Variants in SYT16 observed in about 807,000 individuals in gnomAD.
SYT16 encodes synaptotagmin 16, also known as synaptotagmin-16.
In SYT16, 42 loss-of-function variants were observed where a neutral mutation model predicts 61.4. The observed-to-expected ratio is 0.68, with a 90% confidence interval of 0.53 to 0.89. The LOEUF (loss-of-function observed/expected upper bound fraction) is 0.89. Among genes scored for constraint, SYT16 ranks in the 40% least tolerant of loss-of-function variants. The pLI is 0.00. For synonymous variants in SYT16, 314 were observed against 302.3 expected, an observed-to-expected ratio of 1.04 and a Z score of -0.40; for missense variants, 804 against 807.3, an observed-to-expected ratio of 1.00 and a Z score of 0.05.
chr14:62,084,488 T>A, intron 7 of SYT16, 103 bp downstream of exon 7: 1 of 1,293,128 alleles, frequency 7.7e-7, no homozygotes, highest in Non-Finnish European at 1.0e-6. Flanking sequence ...AAAAATGATC[T>A]TATTATGGCT....
In SYT16 at chr14:62,081,044, G is replaced by A; in HGVS notation, c.1204G>A (p.Gly402Ser). 1 of 1,613,508 alleles carries A rather than the reference G, an allele frequency of 6.2e-7. No individual in the cohort carries two copies. The highest frequency in any genetic ancestry group is 8.5e-7 in the Non-Finnish European group (1 of 1,179,694). Residue 402 changes from glycine to serine, a missense_variant, in exon 6 of 8, where the codon GGC (glycine) becomes AGC (serine). Gly to Ser is a moderately conservative substitution (Grantham distance 56). Coordinates refer to ENST00000683842, the MANE Select transcript of SYT16 (RefSeq NM_001367656.1). ...GCTGCTGCCTGGTAAGAAACACAGG[G>A]GCAGGACGAACATACAGAGAGGGCC... ...VVLLPGKKHRGRTNIQRGPNP... is the reference protein window; with the variant it reads ...VVLLPGKKHRSRTNIQRGPNP...
intron 1 of SYT16, among the ~76,000 whole-genome samples, chr14:61,815,088 A>T (rs2045387470): frequency 6.6e-6 from 1 of 152,248 alleles, no homozygotes; most frequent in Admixed American, 6.5e-5. Context: ...AGAGTTACTC[A>T]GAGGACTTAT....
At chr14:61,823,574 C>CAAAAAAAAAAAAAAAAAAA (rs55935256) in intron 1 of SYT16, among the ~76,000 whole-genome samples, 1 of 71,046 alleles carries the variant, frequency 1.4e-5, no homozygotes, top group Non-Finnish European at 2.6e-5. Flanking sequence ...ACTAAAAATA[C>CAAAAAAAAAAAAAAAAAAA]AAAAAAAAAA....
chr14:61,889,222 G>A (rs2048029381), intron 1 of SYT16, among the ~76,000 whole-genome samples: 1 of 152,136 alleles, frequency 6.6e-6, no homozygotes, highest in Non-Finnish European at 1.5e-5. Context: ...GTCAGTGGAT[G>A]GAAAATTATT....
At chr14:62,020,970 TA>T (rs1347290948) in intron 3 of SYT16, among the ~76,000 whole-genome samples, 5 of 152,180 alleles carry the variant, frequency 3.3e-5, no homozygotes, top group African/African-American at 1.2e-4. Flanking sequence ...TTCTGATTTT[TA>T]AAAAACCTGT....
chr14:61,835,141 A>C (rs1356513526), intron 1 of SYT16, among the ~76,000 whole-genome samples: 2 of 152,196 alleles, frequency 1.3e-5, no homozygotes, highest in Non-Finnish European at 2.9e-5. Flanking sequence ...ACAGCAAAAA[A>C]CAGTTAATAG....
At position 61,901,765 on chromosome 14, in the gene SYT16, T is replaced by TA. The variant is rs1566665021; in HGVS notation, c.-324-68366dup. On this transcript the variant is annotated intron_variant, in intron 1 of 7. Coordinates refer to ENST00000683842, the MANE Select transcript of SYT16 (RefSeq NM_001367656.1). Reference sequence around the variant, plus strand: ...TTATAATAATAATAATAATAATAATTATTATTATTATTATTTTTTGGAGTC... The same window carrying TA: ...TTATAATAATAATAATAATAATAATTAATTATTATTATTATTTTTTGGAGTC... Among the ~76,000 whole-genome samples, 484 of 141,922 alleles carry TA rather than the reference T, an allele frequency of 3.4e-3. 2 individuals carry two copies. Among genetic ancestry groups the TA allele is most frequent in the Admixed American group, 8.1e-3 (116 of 14,392 alleles). 93.1% of individuals were successfully genotyped at this position (141,922 alleles called of 152,430 possible).
chr14:61,998,575 G>A (rs2052865438), intron 3 of SYT16, among the ~76,000 whole-genome samples: 1 of 151,912 alleles, frequency 6.6e-6, no homozygotes, highest in Admixed American at 6.6e-5. Context: ...GAATGCACCA[G>A]TTTGTTGATT....
At chr14:62,046,511 G>A (rs1438249385) in intron 3 of SYT16, among the ~76,000 whole-genome samples, 2 of 152,096 alleles carry the variant, frequency 1.3e-5, no homozygotes, top group African/African-American at 2.4e-5. Flanking sequence ...TGGTGTTTTA[G>A]ACATGAAGTC....
intron 1 of SYT16, among the ~76,000 whole-genome samples, chr14:61,841,526 T>A (rs971571110): frequency 4.6e-5 from 7 of 152,190 alleles, no homozygotes; most frequent in African/African-American, 1.7e-4. Context: ...TTAATTTTAA[T>A]TATTTTATTT....
intron 1 of SYT16, among the ~76,000 whole-genome samples, chr14:61,942,455 G>A (rs976782747): frequency 3.9e-4 from 59 of 152,154 alleles, no homozygotes; most frequent in African/African-American, 1.3e-3. Flanking sequence ...TACCAGTTCT[G>A]TTATCAAAGT....
chr14:62,037,636 T>A (rs933515284), intron 3 of SYT16, among the ~76,000 whole-genome samples: 2 of 151,054 alleles, frequency 1.3e-5, no homozygotes, highest in Non-Finnish European at 2.9e-5. Flanking sequence ...TATTAATGTG[T>A]TTTATTACAA....
At chr14:61,853,810 G>T (rs980594486) in intron 1 of SYT16, among the ~76,000 whole-genome samples, 1 of 152,180 alleles carries the variant, frequency 6.6e-6, no homozygotes, top group Non-Finnish European at 1.5e-5. Flanking sequence ...GGAAATAGTA[G>T]TGGGAGCACA....
intron 1 of SYT16, among the ~76,000 whole-genome samples, chr14:61,835,250 ATTTT>A (rs11378872): frequency 1.2e-4 from 13 of 110,810 alleles, no homozygotes; most frequent in African/African-American, 3.9e-4. Context: ...TGAAAGGTGA[ATTTT>A]TTTTTTTTTT....
intron 1 of SYT16, among the ~76,000 whole-genome samples, chr14:61,968,819 C>A (rs1052892167): frequency 1.3e-5 from 2 of 152,164 alleles, no homozygotes; most frequent in Admixed American, 1.3e-4. Context: ...CTACTGCTAC[C>A]GGGTACTGCT....
At chr14:61,885,797 C>T (rs1442137831) in intron 1 of SYT16, among the ~76,000 whole-genome samples, 1 of 151,884 alleles carries the variant, frequency 6.6e-6, no homozygotes, top group Non-Finnish European at 1.5e-5. Flanking sequence ...AAAGTGATGC[C>T]TTAAGAAGTA....
At chr14:61,971,528 G>A (rs1252938039) in intron 2 of SYT16, among the ~76,000 whole-genome samples, 1 of 152,212 alleles carries the variant, frequency 6.6e-6, no homozygotes, top group Admixed American at 6.5e-5. Flanking sequence ...AGAGATCCAT[G>A]AGAAAGCAAG....
intron 3 of SYT16, among the ~76,000 whole-genome samples, chr14:62,007,522 A>G (rs2053269980): frequency 6.6e-6 from 1 of 152,188 alleles, no homozygotes; most frequent in Non-Finnish European, 1.5e-5. Context: ...TTAGCAGCTG[A>G]CATACAGTTT....
intron 3 of SYT16, among the ~76,000 whole-genome samples, chr14:62,050,563 T>C (rs757521508): frequency 2.8e-4 from 42 of 152,238 alleles, no homozygotes; most frequent in Non-Finnish European, 5.1e-4. Context: ...TTTTAGAGTT[T>C]GCAGTTTTTC....
Sources: gnomAD v4.1 joint callset for allele counts (sites outside exome capture counted in the v4.1 genomes callset) on GRCh38, gnomAD v4.1.1 for gene constraint, MANE v1.5 for transcripts, NCBI Gene and HGNC (gene_info 2026-07-23, HGNC 2026-07-21) for gene names.